Variants in LRP2BP observed in about 807,000 individuals in gnomAD.
LRP2BP encodes LRP2 binding protein.
In LRP2BP, 38 loss-of-function variants were observed where a neutral mutation model predicts 45.2. The observed-to-expected ratio is 0.84, with a 90% CI of 0.65 to 1.10. The LOEUF is 1.10. Ranked by LOEUF, LRP2BP falls within the 50% of genes least tolerant of loss-of-function variation. LRP2BP has a pLI of 0.00. For synonymous variants in LRP2BP, 153 were observed against 153.9 expected (o/e 0.99, Z 0.04); for missense variants, 385 against 418.9 (o/e 0.92, Z 0.71).
At chr4:185,380,596 G>A (rs186859878) in intron 1 of LRP2BP, among the ~76,000 whole-genome samples, 376 of 152,214 alleles carry the variant, frequency 2.5e-3, no homozygotes, top group African/African-American at 8.5e-3. Context: ...ATTGGAGTTG[G>A]CACCCACCCT....
intron 1 of LRP2BP, among the ~76,000 whole-genome samples, chr4:185,382,225 T>C (rs999065390): frequency 2.0e-5 from 3 of 152,220 alleles, no homozygotes; most frequent in Non-Finnish European, 4.4e-5. Flanking sequence ...TATGGATGAT[T>C]AACATTTCAT....
At chr4:185,396,796 G>A (rs929361102), upstream of LRP2BP, 13 of 1,038,406 alleles carry the variant, frequency 1.3e-5, no homozygotes, top group African/African-American at 3.1e-5. Context: ...GGGCCGGCCC[G>A]GAAGTCCCAG....
rs185834103 is a variant in LRP2BP at position 185,395,586 on chromosome 4, C to A, written c.-829G>T. 3.3e-4 allele frequency: 321 copies of A among 978,902 alleles called. No individual in the cohort carries two copies. In the African/African-American group the frequency reaches 5.3e-3, roughly 16 times the overall value. The allele number at this position is 978,902 out of a possible 1,614,324, so 60.6% of individuals were successfully genotyped here. A position where few individuals can be genotyped will look rare whatever the true frequency, so the allele number is the denominator to read the frequency against. On this transcript the variant is annotated 5_prime_UTR_variant, in exon 1 of 9. Transcript: ENST00000505916. Reference sequence around the variant, plus strand: ...ATATTAAAAATGTGGAATATAAGAACGATTCTATATATTTGAACACACATT... The same window carrying A: ...ATATTAAAAATGTGGAATATAAGAAAGATTCTATATATTTGAACACACATT...
chr4:185,389,148 A>G (rs2028696), intron 1 of LRP2BP, among the ~76,000 whole-genome samples: 135,890 of 152,032 alleles, frequency 0.89, 60,867 homozygotes, highest in East Asian at 0.99. Flanking sequence ...CAAAGTGCTG[A>G]GATTACAGAT....
chr4:185,366,461 A>C lies in LRP2BP; in HGVS notation c.*719T>G, dbSNP rs1324785819. On this transcript the variant is annotated 3_prime_UTR_variant, in exon 9 of 9. Transcript: ENST00000505916. ...TTTACTCATTAAGATCTTTGAGGGAAGATTTGGAGGGGCAAGATTCTAAAG... is the reference window on the plus strand; with the variant it reads ...TTTACTCATTAAGATCTTTGAGGGACGATTTGGAGGGGCAAGATTCTAAAG... 1 of 152,198 alleles carries C rather than the reference A, an allele frequency of 6.6e-6. No homozygotes were observed. Among genetic ancestry groups the C allele is most frequent in the Non-Finnish European group, 1.5e-5 (1 of 68,036 alleles). 9.4% of individuals were successfully genotyped at this position (152,198 alleles called of 1,614,324 possible). A position where few individuals can be genotyped will look rare whatever the true frequency, so the allele number is the denominator to read the frequency against.
chr4:185,372,989 G>T lies in LRP2BP; in HGVS notation c.670C>A (p.Arg224=). 2 of 1,613,914 alleles carry T rather than the reference G, an allele frequency of 1.2e-6. No homozygotes were observed. Among genetic ancestry groups the T allele is most frequent in the South Asian group, 1.1e-5 (1 of 91,076 alleles). Residue 224 remains arginine, a synonymous_variant, in exon 7 of 9, where the codon CGG becomes AGG. Coordinates refer to ENST00000505916, the MANE Select transcript of LRP2BP (RefSeq NM_001377440.1). ...GLMYLYGQGI[R]QDTEAALQCL... ...TGCAGGGCAGCTTCCGTATCCTGCCGGATGCCTTGTCCATACAAGTACATG... is the reference window on the plus strand; with the variant it reads ...TGCAGGGCAGCTTCCGTATCCTGCCTGATGCCTTGTCCATACAAGTACATG...
At position 185,365,690 on chromosome 4, in the gene LRP2BP, A is replaced by AAATAAT. The variant is rs566617295; in HGVS notation, c.*1484_*1489dup. The AAATAAT allele has an allele frequency of 4.9e-5, 7 of 144,270 alleles. No homozygotes were observed. Among genetic ancestry groups the AAATAAT allele is most frequent in the South Asian group, 2.2e-4 (1 of 4,554 alleles). 8.9% of individuals were successfully genotyped at this position (144,270 alleles called of 1,614,324 possible). A position where few individuals can be genotyped will look rare whatever the true frequency, so the allele number is the denominator to read the frequency against. On this transcript the variant is annotated 3_prime_UTR_variant, in exon 9 of 9. Coordinates refer to ENST00000505916, the MANE Select transcript of LRP2BP (RefSeq NM_001377440.1). ...AGGAGACTCCGTCTCAAAAAAAAAA[A>AAATAAT]AATAATAATAATAATAATAATAATA...
intron 1 of LRP2BP, among the ~76,000 whole-genome samples, chr4:185,379,353 T>C (rs1381914140): frequency 6.6e-6 from 1 of 152,216 alleles, no homozygotes; most frequent in Non-Finnish European, 1.5e-5. Context: ...CATTTATGAC[T>C]GAAAGATTGG....
At chr4:185,370,841 GAA>G (rs1247190375) in intron 7 of LRP2BP, 27 bp from the exon 8 acceptor site, 2 of 1,611,902 alleles carry the variant, frequency 1.2e-6, no homozygotes, top group Admixed American at 1.7e-5. Flanking sequence ...TTGTGAAATG[GAA>G]AAGACATCAG....
chr4:185,393,976 C>T (rs887085704), intron 1 of LRP2BP, among the ~76,000 whole-genome samples: 8 of 152,064 alleles, frequency 5.3e-5, no homozygotes, highest in African/African-American at 1.7e-4. Context: ...GACTCTTTTG[C>T]GGCCAGGCAT....
upstream of LRP2BP, chr4:185,397,054 C>A: frequency 2.5e-6 from 4 of 1,610,002 alleles, no homozygotes; most frequent in Non-Finnish European, 3.4e-6. Flanking sequence ...GCTGCCTGGT[C>A]AGAGCTGGTT....
chr4:185,379,809 C>A (rs931252788), intron 1 of LRP2BP, among the ~76,000 whole-genome samples: 11 of 134,392 alleles, frequency 8.2e-5, no homozygotes, highest in African/African-American at 3.7e-4. Context: ...AGCACCTGCG[C>A]ACTTCTCTCT....
At chr4:185,396,663 C>T (rs752441156), upstream of LRP2BP, 3 of 513,690 alleles carry the variant, frequency 5.8e-6, no homozygotes, top group Non-Finnish European at 6.9e-6. Context: ...CTCCCCCTGC[C>T]CCCGGCGCCG....
intron 1 of LRP2BP, among the ~76,000 whole-genome samples, chr4:185,393,986 T>TCA (rs2095495197): frequency 1.3e-5 from 2 of 152,184 alleles, no homozygotes; most frequent in Admixed American, 6.5e-5. Context: ...CGGCCAGGCA[T>TCA]GGTGGCTCAT....
intron 1 of LRP2BP, among the ~76,000 whole-genome samples, chr4:185,388,143 C>T (rs73873441): frequency 0.011 from 1,670 of 152,174 alleles, 25 homozygotes; most frequent in African/African-American, 0.037. Flanking sequence ...AGTTCCACGG[C>T]GTGTAAGGCA....
chr4:185,395,531 C>CT lies in LRP2BP; in HGVS notation c.-775_-774insA. ...TATCTCTACACTGCCGTTCTTTAAA[C>CT]ATCATTAAAAGATATTGTGAATAGT... On this transcript the variant is annotated 5_prime_UTR_variant, in exon 1 of 9. It removes an upstream start codon present in the reference 5' UTR. Coordinates refer to ENST00000505916, the MANE Select transcript of LRP2BP (RefSeq NM_001377440.1). 1 of 984,660 alleles carries CT rather than the reference C, an allele frequency of 1.0e-6. No homozygotes were observed. The highest frequency in any genetic ancestry group is 1.2e-6 in the Non-Finnish European group (1 of 829,262). 61.0% of individuals were successfully genotyped at this position (984,660 alleles called of 1,614,324 possible).
At chr4:185,376,691 C>T (rs2095439158) in intron 3 of LRP2BP, among the ~76,000 whole-genome samples, 1 of 151,946 alleles carries the variant, frequency 6.6e-6, no homozygotes, top group Non-Finnish European at 1.5e-5. Flanking sequence ...AAAACGACTC[C>T]CATAAATGGC....
chr4:185,378,085 CTT>C lies in LRP2BP; in HGVS notation c.100_101del (p.Lys34AspfsTer2), dbSNP rs2095444123. ...CTTAAATATCAGGATTTGTACCAGT[CTT>C]TTCCTTTTTCCACTGGAAAAATTTT... Reference protein sequence around the residue: ...NQKFFQWKKEKTDYTHANLVD... With the variant: ...NQKFFQWKKEXTDYTHANLVD... On this transcript the variant is annotated frameshift_variant, in exon 2 of 9. Transcript: ENST00000505916. LOFTEE classifies it high-confidence loss of function. 1.2e-6 allele frequency: 2 copies of C among 1,611,994 alleles called. No individual in the cohort carries two copies. Among genetic ancestry groups the C allele is most frequent in the Non-Finnish European group, 1.7e-6 (2 of 1,178,424 alleles).
rs60527595 is a variant in LRP2BP, at chr4:185,380,790, CCTT to C, written c.-21-2586_-21-2584del. 2.3e-3 allele frequency among the ~76,000 whole-genome samples: 349 copies of C among 152,206 alleles called. 12 individuals are homozygous for C. In the East Asian group the frequency reaches 0.058, roughly 25 times the overall value. On this transcript the variant is annotated intron_variant, in intron 1 of 8. Coordinates refer to ENST00000505916, the MANE Select transcript of LRP2BP (RefSeq NM_001377440.1). The stretch of plus-strand genomic sequence containing the variant: ...TTTTCTCTCCAGCATTTTGATAAGA[CCTT>C]CTCCTCATGTCTCTTAAATTTGCCT...
Sources: allele counts gnomAD v4.1 joint callset (sites outside exome capture counted in the v4.1 genomes callset), GRCh38; gene constraint gnomAD v4.1.1; transcripts MANE v1.5; gene names NCBI Gene and HGNC (gene_info 2026-07-23, HGNC 2026-07-21).